The following CTNNA3 variants were observed in gnomAD, a reference collection of about 807,000 sequenced individuals.
The protein encoded by CTNNA3 is catenin alpha 3, also known as catenin alpha-3.
In CTNNA3, 76 loss-of-function variants were observed where a neutral mutation model predicts 95.7. The observed-to-expected ratio is 0.79, with a 90% CI of 0.66 to 0.96. The LOEUF (loss-of-function observed/expected upper bound fraction) is 0.96. Among genes scored for constraint, CTNNA3 ranks in the 40% least tolerant of loss-of-function variants. The probability of loss-of-function intolerance (pLI) is 0.00; values close to 1 mark genes in which losing one functional copy is unlikely to be tolerated. For missense variants in CTNNA3, 1,191 were observed against 1,089.8 expected, an observed-to-expected ratio of 1.09 and a Z score of -1.31; for synonymous variants, 431 against 374.4, an observed-to-expected ratio of 1.15 and a Z score of -1.74.
intron 5 of CTNNA3, among the ~76,000 whole-genome samples, chr10:67,296,290 C>T (rs1840027428): frequency 6.6e-6 from 1 of 152,132 alleles, no homozygotes; most frequent in Non-Finnish European, 1.5e-5. Context: ...GCCTACCTAG[C>T]TCTATGGCTA....
At chr10:67,538,435 T>G (rs6480271) in intron 4 of CTNNA3, among the ~76,000 whole-genome samples, 3 of 151,328 alleles carry the variant, frequency 2.0e-5, no homozygotes, top group Admixed American at 1.3e-4. Context: ...TACAAAAAAT[T>G]AGCCAGGCAT....
chr10:66,473,746 A>G (rs1020791599), intron 11 of CTNNA3, among the ~76,000 whole-genome samples: 10 of 151,794 alleles, frequency 6.6e-5, no homozygotes, highest in African/African-American at 1.5e-4. Flanking sequence ...ATTCCCATCT[A>G]TGAGTGAGAA....
At chr10:66,282,918 T>A (rs544332654) in intron 12 of CTNNA3, among the ~76,000 whole-genome samples, 2 of 151,906 alleles carry the variant, frequency 1.3e-5, no homozygotes, top group South Asian at 2.1e-4. Context: ...ATTAATTAAT[T>A]AATATGTAAA....
chr10:67,647,500 G>A lies in CTNNA3; in HGVS notation c.14C>T (p.Thr5Ile), dbSNP rs758324952. Reference sequence around the variant, plus strand: ...AGGATCGATATTCAATGTGATTGGTGTTTCAGCTGACATGCTGCCTGTGCA... The same window carrying A: ...AGGATCGATATTCAATGTGATTGGTATTTCAGCTGACATGCTGCCTGTGCA... MSAE[T>I]PITLNIDPQD... The change falls in exon 2 of 18, where the codon ACA (threonine) becomes ATA (isoleucine). Residue 5 changes from threonine (T) to isoleucine (I), a missense_variant. Transcript: ENST00000433211. The A allele has an allele frequency of 1.9e-6, 3 of 1,612,998 alleles. No individual in the cohort carries two copies. Among genetic ancestry groups the A allele is most frequent in the Admixed American group, 3.3e-5 (2 of 59,944 alleles).
At chr10:67,708,224 A>C (rs1841088453) in intron 1 of CTNNA3, among the ~76,000 whole-genome samples, 1 of 152,176 alleles carries the variant, frequency 6.6e-6, no homozygotes, top group Non-Finnish European at 1.5e-5. Context: ...GTTAGTCAAT[A>C]ACCTTAACAA....
chr10:67,125,020 A>C (rs553267202), intron 7 of CTNNA3, among the ~76,000 whole-genome samples: 1 of 152,320 alleles, frequency 6.6e-6, no homozygotes, highest in East Asian at 1.9e-4. Context: ...CAATGACCAG[A>C]GCTCTGCTGG....
intron 7 of CTNNA3, among the ~76,000 whole-genome samples, chr10:66,789,399 T>C: frequency 6.6e-6 from 1 of 152,076 alleles, no homozygotes; most frequent in East Asian, 1.9e-4. Flanking sequence ...GGTCTTGAAC[T>C]CCTGACCACA....
intron 11 of CTNNA3, among the ~76,000 whole-genome samples, chr10:66,507,818 A>C (rs966246285): frequency 7.2e-5 from 11 of 152,132 alleles, no homozygotes; most frequent in African/African-American, 2.7e-4. Flanking sequence ...ACATGGCAGT[A>C]CAGATATCTC....
At chr10:66,868,109 C>G (rs1010317409) in intron 7 of CTNNA3, among the ~76,000 whole-genome samples, 17 of 150,422 alleles carry the variant, frequency 1.1e-4, no homozygotes, top group African/African-American at 4.2e-4. Context: ...GTAATCCCAG[C>G]ACTTTGGGAG....
rs1329489468 is a variant in CTNNA3, at chr10:66,128,410, G to A, written c.1885-25161C>T. The stretch of plus-strand genomic sequence containing the variant: ...GGAACCAAGATCTCCTTTGGTAGGT[G>A]AATAAATAGATATACTGTGGTACAT... On this transcript the variant is annotated intron_variant, in intron 13 of 17. Coordinates refer to ENST00000433211, the MANE Select transcript of CTNNA3 (RefSeq NM_013266.4). Among the ~76,000 whole-genome samples the A allele has an allele frequency of 2.6e-5, 4 of 151,742 alleles. No individual in the cohort carries two copies. The East Asian group carries it at 7.8e-4, about 29-fold the overall frequency.
At chr10:67,141,202 G>A (rs1260177420) in intron 7 of CTNNA3, among the ~76,000 whole-genome samples, 1 of 152,000 alleles carries the variant, frequency 6.6e-6, no homozygotes, top group African/African-American at 2.4e-5. Context: ...TAATTATCCA[G>A]CTCTATATAT....
chr10:66,860,121 C>T (rs1336281958), intron 7 of CTNNA3, among the ~76,000 whole-genome samples: 2 of 149,998 alleles, frequency 1.3e-5, no homozygotes, highest in Non-Finnish European at 3.0e-5. Flanking sequence ...ACATATGTAA[C>T]TAACCTGCAC....
At chr10:66,886,159 AAAAT>A (rs1845034846) in intron 7 of CTNNA3, among the ~76,000 whole-genome samples, 1 of 152,176 alleles carries the variant, frequency 6.6e-6, no homozygotes, top group African/African-American at 2.4e-5. Context: ...AAAAATTAGT[AAAAT>A]AAATAAATAG....
intron 9 of CTNNA3, among the ~76,000 whole-genome samples, chr10:66,622,043 A>G (rs1442396058): frequency 6.6e-6 from 1 of 152,188 alleles, no homozygotes; most frequent in Non-Finnish European, 1.5e-5. Flanking sequence ...GTCTCTTGGT[A>G]TCAACATCTA....
intron 5 of CTNNA3, among the ~76,000 whole-genome samples, chr10:67,415,869 C>A (rs972327062): frequency 2.0e-5 from 3 of 152,090 alleles, no homozygotes; most frequent in Non-Finnish European, 4.4e-5. Context: ...TGATATTTAA[C>A]AAGGCTGACA....
At chr10:66,792,373 A>T (rs1455214332) in intron 7 of CTNNA3, among the ~76,000 whole-genome samples, 3 of 152,156 alleles carry the variant, frequency 2.0e-5, no homozygotes, top group African/African-American at 7.2e-5. Context: ...ATTATTTCTC[A>T]AATCTTAATT....
intron 6 of CTNNA3, among the ~76,000 whole-genome samples, chr10:67,211,461 T>C (rs1864135810): frequency 6.6e-6 from 1 of 152,180 alleles, no homozygotes; most frequent in Non-Finnish European, 1.5e-5. Flanking sequence ...ATCATCAAGA[T>C]AAAGGAGATG....
intron 13 of CTNNA3, among the ~76,000 whole-genome samples, chr10:66,259,231 T>G (rs1030150546): frequency 3.3e-5 from 5 of 152,098 alleles, no homozygotes; most frequent in African/African-American, 1.2e-4. Context: ...ATGAACAAGT[T>G]TTTCATGATC....
At chr10:66,694,622 A>C (rs77387335) in intron 9 of CTNNA3, among the ~76,000 whole-genome samples, 2,617 of 152,298 alleles carry the variant, frequency 0.017, 92 homozygotes, top group African/African-American at 0.059. Flanking sequence ...ATTTTTTTCT[A>C]ACTTTTAAAA....
Sources: gnomAD v4.1 joint callset for allele counts (sites outside exome capture counted in the v4.1 genomes callset) on GRCh38, gnomAD v4.1.1 for gene constraint, MANE v1.5 for transcripts, NCBI Gene and HGNC (gene_info 2026-07-23, HGNC 2026-07-21) for gene names.